Variants in SLCO3A1 observed in about 807,000 individuals in gnomAD.
The protein encoded by SLCO3A1 is solute carrier organic anion transporter family member 3A1.
Under a neutral mutation model 63.1 loss-of-function variants are expected in SLCO3A1, and 27 were observed. That is an observed-to-expected ratio of 0.43 (90% CI 0.32 to 0.59). The LOEUF is 0.59. SLCO3A1 is among the 20% of genes least tolerant of loss of function. The pLI is 0.09. For synonymous variants in SLCO3A1, 473 were observed against 409.9 expected (o/e 1.15, Z -1.86); for missense variants, 773 against 945.8 (o/e 0.82, Z 2.40).
At chr15:92,141,815 G>A (rs1352950219) in intron 7 of SLCO3A1, among the ~76,000 whole-genome samples, 4 of 152,098 alleles carry the variant, frequency 2.6e-5, no homozygotes, top group African/African-American at 7.2e-5. Flanking sequence ...CACAACGTTG[G>A]ACAAATCTGG....
chr15:91,944,790 C>T (rs1899745611), intron 2 of SLCO3A1, among the ~76,000 whole-genome samples: 1 of 152,100 alleles, frequency 6.6e-6, no homozygotes, highest in South Asian at 2.1e-4. Context: ...TGATGGCCAT[C>T]CAGAGGGGGA....
intron 4 of SLCO3A1, among the ~76,000 whole-genome samples, chr15:92,114,444 G>T (rs943523418): frequency 6.6e-6 from 1 of 152,094 alleles, no homozygotes; most frequent in African/African-American, 2.4e-5. Context: ...GTGGCTTCTG[G>T]CTTGGGAGAT....
chr15:92,117,204 GGGA>G (rs1567129017), intron 4 of SLCO3A1, among the ~76,000 whole-genome samples: 1 of 152,194 alleles, frequency 6.6e-6, no homozygotes, highest in African/African-American at 2.4e-5. Context: ...AACAAGGACA[GGGA>G]GATACCAGGA....
At position 91,919,173 on chromosome 15, in the gene SLCO3A1, A is replaced by T. The variant is rs147734331; in HGVS notation, c.646+2715A>T. Among the ~76,000 whole-genome samples, 550 of 152,296 alleles carry T rather than the reference A, an allele frequency of 3.6e-3. 4 individuals carry two copies. Among genetic ancestry groups the T allele is most frequent in the African/African-American group, 0.011 (475 of 41,556 alleles). On this transcript the variant is annotated intron_variant, in intron 2 of 9. Coordinates refer to ENST00000318445, the MANE Select transcript of SLCO3A1 (RefSeq NM_013272.4). ...GTTTGTACATCGGTGGCCGTGTCGT[A>T]GCTTCCACTACAACCCAGGGCAAAG...
intron 2 of SLCO3A1, among the ~76,000 whole-genome samples, chr15:92,027,307 A>C (rs1360664205): frequency 1.3e-5 from 2 of 152,224 alleles, no homozygotes; most frequent in African/African-American, 4.8e-5. Context: ...TTTCTAAACA[A>C]CACCACATTG....
intron 7 of SLCO3A1, among the ~76,000 whole-genome samples, chr15:92,135,831 C>T (rs1423751038): frequency 6.6e-6 from 1 of 152,128 alleles, no homozygotes; most frequent in African/African-American, 2.4e-5. Flanking sequence ...AGAGCATGGC[C>T]TGTGGTGGTA....
intron 2 of SLCO3A1, among the ~76,000 whole-genome samples, chr15:91,945,849 A>ATTTTCTCT (rs1899788502): frequency 6.6e-6 from 1 of 152,218 alleles, no homozygotes. Context: ...AGAAGGTTGG[A>ATTTTCTCT]GAGATTTTCA....
At chr15:91,869,461 A>G (rs940335360) in intron 1 of SLCO3A1, among the ~76,000 whole-genome samples, 2 of 151,648 alleles carry the variant, frequency 1.3e-5, no homozygotes, top group Non-Finnish European at 2.9e-5. Context: ...GCTTGAACCC[A>G]GGAGGCAGAG....
intron 2 of SLCO3A1, among the ~76,000 whole-genome samples, chr15:92,050,037 A>G (rs74030432): frequency 0.05 from 7,580 of 152,276 alleles, 600 homozygotes; most frequent in African/African-American, 0.17. Flanking sequence ...GCTGTCTGAG[A>G]TGTTTCCAGG....
chr15:91,986,599 A>G (rs936311722), intron 2 of SLCO3A1, among the ~76,000 whole-genome samples: 2 of 152,172 alleles, frequency 1.3e-5, no homozygotes, highest in African/African-American at 4.8e-5. Context: ...TTAAAAAAAA[A>G]AAAAAACTAG....
rs78853924 is a variant in SLCO3A1, at chr15:92,087,516, A to T, written c.647-7365A>T. 7.2e-3 allele frequency among the ~76,000 whole-genome samples: 871 copies of T among 121,728 alleles called. 8 individuals carry two copies. Among genetic ancestry groups the T allele is most frequent in the African/African-American group, 0.024 (757 of 31,766 alleles). The allele number at this position is 121,728 out of a possible 152,430, so 79.9% of individuals were successfully genotyped here. On this transcript the variant is annotated intron_variant, in intron 2 of 9. Coordinates refer to ENST00000318445, the MANE Select transcript of SLCO3A1 (RefSeq NM_013272.4). ...TTGCCTAGTACTTTTATTATCTATT[A>T]TTTTTTTTTTTTTTTTTTTGAGCTG...
chr15:91,982,220 C>T lies in SLCO3A1; in HGVS notation c.646+65762C>T, dbSNP rs142734419. ...CACACATTCCTTTAGGCAAGAAACC[C>T]AGAGTGTGGCTTCTTATTTTGCATC... On this transcript the variant is annotated intron_variant, in intron 2 of 9. Transcript: ENST00000318445. Among the ~76,000 whole-genome samples the T allele has an allele frequency of 3.0e-4, 45 of 152,376 alleles. No homozygotes were observed. In the East Asian group the frequency reaches 5.4e-3, roughly 18 times the overall value.
chr15:91,873,717 A>G (rs1359231026), intron 1 of SLCO3A1, among the ~76,000 whole-genome samples: 1 of 152,224 alleles, frequency 6.6e-6, no homozygotes, highest in Non-Finnish European at 1.5e-5. Context: ...AACAAAATTA[A>G]GTAGTCCCTA....
At chr15:92,076,542 A>C (rs1347049160) in intron 2 of SLCO3A1, among the ~76,000 whole-genome samples, 1 of 152,162 alleles carries the variant, frequency 6.6e-6, no homozygotes, top group African/African-American at 2.4e-5. Flanking sequence ...CTGGGCATGA[A>C]TCCACGGATA....
At chr15:92,083,126 T>C (rs2047366417) in intron 2 of SLCO3A1, among the ~76,000 whole-genome samples, 2 of 152,168 alleles carry the variant, frequency 1.3e-5, no homozygotes. Flanking sequence ...ATCACTTTCC[T>C]TGTAAAGAGG....
intron 1 of SLCO3A1, among the ~76,000 whole-genome samples, chr15:91,903,244 T>C (rs889312740): frequency 3.3e-5 from 5 of 152,198 alleles, no homozygotes; most frequent in African/African-American, 1.2e-4. Flanking sequence ...GAGGAACAGA[T>C]GGCCTGGTGC....
chr15:91,970,734 T>C (rs1481009117), intron 2 of SLCO3A1, among the ~76,000 whole-genome samples: 1 of 152,172 alleles, frequency 6.6e-6, no homozygotes, highest in Non-Finnish European at 1.5e-5. Flanking sequence ...TGCCCTGCTT[T>C]GGTTAGACAG....
At chr15:92,058,220 G>A (rs992937661) in intron 2 of SLCO3A1, among the ~76,000 whole-genome samples, 1 of 152,092 alleles carries the variant, frequency 6.6e-6, no homozygotes, top group African/African-American at 2.4e-5. Flanking sequence ...TCTAGAAGGT[G>A]GAGGGTGTTT....
intron 2 of SLCO3A1, among the ~76,000 whole-genome samples, chr15:91,959,155 G>GA (rs530698689): frequency 3.0e-4 from 46 of 152,172 alleles, no homozygotes; most frequent in Non-Finnish European, 6.0e-4. Context: ...TATTCTAAGG[G>GA]AAGTAGCTCA....
Sources: gnomAD v4.1 joint callset for allele counts (sites outside exome capture counted in the v4.1 genomes callset) on GRCh38, gnomAD v4.1.1 for gene constraint, MANE v1.5 for transcripts, NCBI Gene and HGNC (gene_info 2026-07-23, HGNC 2026-07-21) for gene names.